The following ITFG2 variants were observed in gnomAD, a reference collection of about 807,000 sequenced individuals.
The protein encoded by ITFG2 is KICSTOR complex protein ITFG2.
In ITFG2, 36 loss-of-function variants were observed where a neutral mutation model predicts 54.4. That is an observed-to-expected ratio of 0.66 (90% confidence interval 0.51 to 0.87). The LOEUF (loss-of-function observed/expected upper bound fraction) is 0.87, where lower values mean the gene tolerates loss of function less well. Ranked by LOEUF, ITFG2 falls within the 40% of genes least tolerant of loss-of-function variation. The pLI, the probability that ITFG2 is intolerant of heterozygous loss-of-function variation, is 0.00. For synonymous variants in ITFG2, 211 were observed against 225.4 expected, an observed-to-expected ratio of 0.94 and a Z score of 0.57; for missense variants, 524 against 576.7, an observed-to-expected ratio of 0.91 and a Z score of 0.94.
At chr12:2,855,097 G>A (rs965306727) in intron 2 of ITFG2, 1 of 1,535,274 alleles carries the variant, frequency 6.5e-7, no homozygotes, top group African/African-American at 1.4e-5. Flanking sequence ...CCAGGAGGGA[G>A]GGGGGATGGG....
chr12:2,827,201 C>T, downstream of ITFG2: 1 of 1,614,068 alleles, frequency 6.2e-7, no homozygotes, highest in Non-Finnish European at 8.5e-7. The surrounding 1 kb of genome is among the most constrained non-coding windows in gnomAD (Gnocchi z 4.0). Flanking sequence ...CTGACTGAGA[C>T]AGCAGTCACT....
intron 1 of ITFG2, chr12:2,837,041 A>T (rs2153926775): frequency 6.6e-6 from 1 of 152,364 alleles, no homozygotes; most frequent in Non-Finnish European, 1.5e-5. Context: ...CTAGTACATT[A>T]AGTCTTAGGA....
At chr12:2,853,948 C>A (rs2098079309) in intron 2 of ITFG2, among the ~76,000 whole-genome samples, 1 of 152,202 alleles carries the variant, frequency 6.6e-6, no homozygotes, top group African/African-American at 2.4e-5. Flanking sequence ...CCCATGAGGC[C>A]TTCCTGTGGC....
Position 2,818,180 on chromosome 12 carries a change from T to C in ITFG2, c.309T>C (p.Ala103=). 1.9e-6 allele frequency: 3 copies of C among 1,614,186 alleles called. No individual in the cohort carries two copies. The highest frequency in any genetic ancestry group is 2.5e-6 in the Non-Finnish European group (3 of 1,180,044). The change falls in exon 4 of 12, where the codon GCT becomes GCC. Residue 103 remains alanine, a synonymous_variant. Coordinates refer to ENST00000228799, the MANE Select transcript of ITFG2 (RefSeq NM_018463.4). ...FDLTPAKVLD[A]SGHHETLIGE... ...TGACACCTGCCAAGGTGTTGGATGC[T>C]TCTGGGCACCACGAGACACTAATCG...
rs535118106 is a variant in ITFG2, at chr12:2,840,668, C to T, written n.147-174C>T. On this transcript the variant is annotated intron_variant and non_coding_transcript_variant, in intron 1 of 3. Coordinates refer to the ITFG2 transcript ENST00000537710. ...GGGCGAGGTGGCGGGCGCCTGTAGT[C>T]CCAGCTACTCGGGAGGCTGAGGCAG... Among the ~76,000 whole-genome samples the T allele has an allele frequency of 5.3e-5, 8 of 152,172 alleles. No homozygotes were observed. In the South Asian group the frequency reaches 1.5e-3, roughly 28 times the overall value.
chr12:2,823,546 C>T (rs1293796412), intron 10 of ITFG2, among the ~76,000 whole-genome samples: 6 of 152,148 alleles, frequency 3.9e-5, no homozygotes, highest in South Asian at 2.1e-4. Flanking sequence ...CTATTCTGCC[C>T]GGGTTTTGTT....
downstream of ITFG2, among the ~76,000 whole-genome samples, chr12:2,829,544 TGGAA>T (rs2097989308): frequency 6.6e-6 from 1 of 151,938 alleles, no homozygotes; most frequent in African/African-American, 2.4e-5. Flanking sequence ...GAGGCCAAGG[TGGAA>T]GGATCGCTTG....
chr12:2,840,582 T>G (rs1036531921), intron 1 of ITFG2, among the ~76,000 whole-genome samples: 1 of 151,892 alleles, frequency 6.6e-6, no homozygotes, highest in Non-Finnish European at 1.5e-5. Flanking sequence ...GTCAGGAGAT[T>G]GAGACCATCC....
intron 1 of ITFG2, among the ~76,000 whole-genome samples, chr12:2,816,791 A>G (rs187920373): frequency 1.3e-5 from 2 of 151,946 alleles, no homozygotes; most frequent in East Asian, 3.9e-4. Flanking sequence ...ACAGGCATGC[A>G]CCACTATGCT....
chr12:2,817,934 T>A lies in ITFG2; in HGVS notation c.218T>A (p.Val73Glu). 1 of 1,613,774 alleles carries A rather than the reference T, an allele frequency of 6.2e-7. No individual in the cohort carries two copies. The highest frequency in any genetic ancestry group is 8.5e-7 in the Non-Finnish European group (1 of 1,179,908). The change falls in exon 3 of 12, where the codon GTG becomes GAG. Residue 73 changes from valine (V) to glutamate (E), a missense_variant. By Grantham distance (121) the Val-to-Glu change is moderately radical. Transcript: ENST00000228799. ...GMLTCVGVGD[V>E]CNKGKNLLVA... The stretch of plus-strand genomic sequence containing the variant: ...CTGACTTGCGTTGGGGTTGGAGACG[T>A]GTGTAATAAAGGAAAGGTAAGAACT...
In ITFG2 at chr12:2,851,926, G is replaced by A. The variant is rs191314870; in HGVS notation, n.301-6086G>A. Among the ~76,000 whole-genome samples, 8 of 152,214 alleles carry A rather than the reference G, an allele frequency of 5.3e-5. No homozygotes were observed. In the East Asian group the frequency reaches 1.4e-3, roughly 26 times the overall value. The stretch of plus-strand genomic sequence containing the variant: ...ACTCCTTACCTCAAGTGATCTGCCC[G>A]CCTCAACCTTCCAAAGTGCTGGGAT... On this transcript the variant is annotated intron_variant and non_coding_transcript_variant, in intron 2 of 3. Coordinates refer to the ITFG2 transcript ENST00000537710.
chr12:2,833,989 A>G (rs1362744308), upstream of ITFG2, among the ~76,000 whole-genome samples: 3 of 152,192 alleles, frequency 2.0e-5, no homozygotes, highest in African/African-American at 7.2e-5. Context: ...CTGAATCTGC[A>G]GTTTTCCGCC....
chr12:2,857,219 ACTTT>A, intron 2 of ITFG2: 1 of 601,834 alleles, frequency 1.7e-6, no homozygotes, highest in Non-Finnish European at 3.0e-6. Context: ...AGGGGATAGC[ACTTT>A]CTTCAAGTTC....
chr12:2,823,237 C>G (rs749581445), intron 10 of ITFG2, among the ~76,000 whole-genome samples: 12 of 152,232 alleles, frequency 7.9e-5, no homozygotes, highest in Non-Finnish European at 1.8e-4. Flanking sequence ...GAGTTTCTGT[C>G]ATCTGTCTGG....
chr12:2,833,053 A>T (rs2098011487), upstream of ITFG2, among the ~76,000 whole-genome samples: 1 of 151,820 alleles, frequency 6.6e-6, no homozygotes, highest in South Asian at 2.1e-4. Flanking sequence ...CATCCCAGGG[A>T]GGGAGACGAT....
In ITFG2 at chr12:2,822,873, G is replaced by A. The variant is rs755055441; in HGVS notation, c.1028G>A (p.Arg343His). The A allele has an allele frequency of 8.1e-6, 13 of 1,613,974 alleles. No individual in the cohort carries two copies. The highest frequency in any genetic ancestry group is 2.2e-5 in the East Asian group (1 of 44,882). Residue 343 changes from arginine to histidine, a missense_variant, in exon 10 of 12, where the codon CGC becomes CAC. Arg to His is a conservative substitution (Grantham distance 29, BLOSUM62 0). Transcript: ENST00000228799. ...ATTGATCACAACCGCACCGTCGTCCGCTTCCAAGTGGATGAAAATATCCGT... is the reference window on the plus strand; with the variant it reads ...ATTGATCACAACCGCACCGTCGTCCACTTCCAAGTGGATGAAAATATCCGT... ...YIIDHNRTVVRFQVDENIRAF... is the reference protein window; with the variant it reads ...YIIDHNRTVVHFQVDENIRAF...
chr12:2,841,436 C>T (rs1403303116), intron 2 of ITFG2, among the ~76,000 whole-genome samples: 1 of 152,154 alleles, frequency 6.6e-6, no homozygotes, highest in Non-Finnish European at 1.5e-5. Context: ...CTTGATAAGC[C>T]CTCAGGCACA....
Position 2,824,140 on chromosome 12 carries a change from C to T in ITFG2, c.1291C>T (p.His431Tyr), listed in dbSNP as rs1484182252. 3 of 1,614,066 alleles carry T rather than the reference C, an allele frequency of 1.9e-6. No homozygotes were observed. Among genetic ancestry groups the T allele is most frequent in the East Asian group, 2.2e-5 (1 of 44,896 alleles). ...TGCCCTGCTTCACCAAACGCTCTAC[C>T]ATCCAGACCAGCCACCACAGTGTGC... is the stretch of plus-strand genomic sequence containing the variant. The part of the protein sequence containing the change: ...TRALLHQTLY[H>Y]PDQPPQCAPS... The change falls in exon 12 of 12, where the codon CAT (histidine) becomes TAT (tyrosine). Residue 431 changes from histidine (H) to tyrosine (Y), a missense_variant. Physicochemically the swap from His to Tyr is moderately conservative, Grantham distance 83. Coordinates refer to ENST00000228799, the MANE Select transcript of ITFG2 (RefSeq NM_018463.4).
chr12:2,846,604 T>A (rs997408184), intron 2 of ITFG2, among the ~76,000 whole-genome samples: 1 of 152,008 alleles, frequency 6.6e-6, no homozygotes, highest in African/African-American at 2.4e-5. Flanking sequence ...CCTGCCCAGC[T>A]CTGACATTTT....
Sources: gnomAD v4.1 joint callset for allele counts (sites outside exome capture counted in the v4.1 genomes callset) on GRCh38, gnomAD v4.1.1 for gene constraint, Gnocchi (gnomAD v3.1) non-coding constraint, MANE v1.5 for transcripts, NCBI Gene and HGNC (gene_info 2026-07-23, HGNC 2026-07-21) for gene names.